The following PTPRD variants were observed in gnomAD, a reference collection of about 807,000 sequenced individuals.
PTPRD encodes receptor-type tyrosine-protein phosphatase delta.
Under a neutral mutation model 214.5 loss-of-function variants are expected in PTPRD, and 34 were observed. That is an observed-to-expected ratio of 0.16 (90% CI 0.12 to 0.21). The LOEUF (loss-of-function observed/expected upper bound fraction) is 0.21, where lower values mean the gene tolerates loss of function less well. Ranked by LOEUF, PTPRD falls within the 10% of genes least tolerant of loss-of-function variation. PTPRD has a pLI of 1.00. For synonymous variants in PTPRD, 1,128 were observed against 845.7 expected, an observed-to-expected ratio of 1.33 and a Z score of -5.79; for missense variants, 2,545 against 2,398.7, an observed-to-expected ratio of 1.06 and a Z score of -1.27.
intron 5 of PTPRD, among the ~76,000 whole-genome samples, chr9:9,917,124 A>G (rs2081079610): frequency 6.6e-6 from 1 of 151,462 alleles, no homozygotes; most frequent in Non-Finnish European, 1.5e-5. Flanking sequence ...AAAATTGTAA[A>G]TAAACAATCT....
intron 3 of PTPRD, among the ~76,000 whole-genome samples, chr9:10,282,224 G>A (rs2095153423): frequency 6.6e-6 from 1 of 152,116 alleles, no homozygotes; most frequent in African/African-American, 2.4e-5. Flanking sequence ...AAATGGGAAT[G>A]ATAACAATAA....
chr9:9,839,929 CAA>C (rs765057479), intron 5 of PTPRD, among the ~76,000 whole-genome samples: 5 of 151,956 alleles, frequency 3.3e-5, no homozygotes, highest in African/African-American at 1.2e-4. Context: ...CACACACACA[CAA>C]GTTGAAAATT....
intron 3 of PTPRD, among the ~76,000 whole-genome samples, chr9:10,201,761 C>T (rs1261037002): frequency 6.6e-6 from 1 of 151,994 alleles, no homozygotes; most frequent in African/African-American, 2.4e-5. Flanking sequence ...CATTGTATCC[C>T]ATGAATGTAT....
intron 12 of PTPRD, among the ~76,000 whole-genome samples, chr9:8,724,076 C>A (rs946587004): frequency 5.9e-5 from 9 of 152,238 alleles, no homozygotes; most frequent in Non-Finnish European, 1.2e-4. Context: ...TTGTTTTAAA[C>A]TGATTCTGGA....
intron 9 of PTPRD, among the ~76,000 whole-genome samples, chr9:9,218,568 T>C (rs901577207): frequency 2.0e-5 from 3 of 152,154 alleles, no homozygotes; most frequent in African/African-American, 7.2e-5. Context: ...GGAAGCCTTC[T>C]AAGTGAGACA....
chr9:8,565,500 C>T (rs2088636063), intron 14 of PTPRD, among the ~76,000 whole-genome samples: 1 of 152,106 alleles, frequency 6.6e-6, no homozygotes, highest in Non-Finnish European at 1.5e-5. Context: ...TTTCAGGAAA[C>T]ATTTGCCTCC....
intron 11 of PTPRD, among the ~76,000 whole-genome samples, chr9:8,978,556 G>T (rs2099282081): frequency 6.6e-6 from 1 of 152,126 alleles, no homozygotes; most frequent in South Asian, 2.1e-4. Flanking sequence ...ATCAGAGTTA[G>T]CTGGTGAAAT....
intron 2 of PTPRD, among the ~76,000 whole-genome samples, chr9:10,514,791 G>A (rs2049461125): frequency 1.3e-5 from 2 of 151,924 alleles, no homozygotes; most frequent in Admixed American, 1.3e-4. Flanking sequence ...CATCACAGTG[G>A]TCCCAAAATG....
chr9:10,389,234 C>G (rs2098000657), intron 2 of PTPRD, among the ~76,000 whole-genome samples: 1 of 151,776 alleles, frequency 6.6e-6, no homozygotes, highest in Non-Finnish European at 1.5e-5. Flanking sequence ...TTTGTGCTAT[C>G]ACAATGAAAG....
intron 30 of PTPRD, among the ~76,000 whole-genome samples, chr9:8,480,327 C>A (rs980552988): frequency 6.6e-6 from 1 of 152,126 alleles, no homozygotes; most frequent in Admixed American, 6.5e-5. Flanking sequence ...TAAGCCTCAG[C>A]TTAAAAAGCC....
chr9:9,805,465 A>T (rs1300614997), intron 5 of PTPRD, among the ~76,000 whole-genome samples: 1 of 152,198 alleles, frequency 6.6e-6, no homozygotes, highest in Non-Finnish European at 1.5e-5. Context: ...TCAACTCTGT[A>T]CCAGCTCAGT....
At chr9:10,319,430 C>T (rs1028548924) in intron 3 of PTPRD, among the ~76,000 whole-genome samples, 6 of 152,060 alleles carry the variant, frequency 3.9e-5, no homozygotes, top group Admixed American at 6.6e-5. Context: ...ATATGGATGA[C>T]AGCTTCTGTG....
chr9:9,137,903 T>C (rs10118348), intron 10 of PTPRD, among the ~76,000 whole-genome samples: 8,489 of 152,218 alleles, frequency 0.056, 507 homozygotes, highest in African/African-American at 0.14. Context: ...CCGACCATTG[T>C]TTTCATTATA....
At chr9:8,734,449 C>T (rs753367205) in intron 11 of PTPRD, among the ~76,000 whole-genome samples, 9 of 152,184 alleles carry the variant, frequency 5.9e-5, no homozygotes, top group Non-Finnish European at 1.0e-4. Context: ...AGGTAAATAG[C>T]AGAGGTTAGA....
At chr9:8,955,987 A>G (rs1398582702) in intron 11 of PTPRD, among the ~76,000 whole-genome samples, 1 of 151,884 alleles carries the variant, frequency 6.6e-6, no homozygotes, top group East Asian at 1.9e-4. Flanking sequence ...ATATCTGGCC[A>G]TTTTTGAATT....
At chr9:9,933,793 C>A (rs2087883608) in intron 5 of PTPRD, among the ~76,000 whole-genome samples, 5 of 149,334 alleles carry the variant, frequency 3.3e-5, no homozygotes, top group Admixed American at 3.3e-4. Context: ...CAGCACCACA[C>A]CACACCTATT....
At chr9:9,796,218 G>A (rs2761736) in intron 5 of PTPRD, among the ~76,000 whole-genome samples, 5 of 152,082 alleles carry the variant, frequency 3.3e-5, no homozygotes, top group Non-Finnish European at 4.4e-5. Flanking sequence ...AAGAAGAAAA[G>A]GAGGCTGGGA....
chr9:8,709,826 T>C (rs1348253139), intron 12 of PTPRD, among the ~76,000 whole-genome samples: 7 of 152,044 alleles, frequency 4.6e-5, no homozygotes, highest in African/African-American at 1.7e-4. Flanking sequence ...ATATGTTTGG[T>C]GTGCTAAGGG....
chr9:10,052,592 C>A (rs1361649739), intron 3 of PTPRD, among the ~76,000 whole-genome samples: 1 of 152,164 alleles, frequency 6.6e-6, no homozygotes, highest in African/African-American at 2.4e-5. Flanking sequence ...TCTGAAAACA[C>A]ATGAGATGGT....
Sources: allele counts gnomAD v4.1 joint callset (sites outside exome capture counted in the v4.1 genomes callset), GRCh38; gene constraint gnomAD v4.1.1; transcripts MANE v1.5; gene names NCBI Gene and HGNC (gene_info 2026-07-23, HGNC 2026-07-21).